The following SLC39A11 variants were observed in gnomAD, a reference collection of about 807,000 sequenced individuals.
The protein encoded by SLC39A11 is zinc transporter ZIP11.
Under a neutral mutation model 36.1 loss-of-function variants are expected in SLC39A11, and 33 were observed. That is an observed-to-expected ratio of 0.91 (90% CI 0.69 to 1.22). The LOEUF (loss-of-function observed/expected upper bound fraction) is 1.22, where lower values mean the gene tolerates loss of function less well. Among genes scored for constraint, SLC39A11 ranks in the 50% most tolerant of loss-of-function variants. The pLI is 0.00. For synonymous variants in SLC39A11, 166 were observed against 170.3 expected (o/e 0.97, Z 0.20); for missense variants, 432 against 430.3 (o/e 1.00, Z -0.03).
At chr17:72,931,487 T>C (rs574262190) in intron 5 of SLC39A11, among the ~76,000 whole-genome samples, 62 of 152,106 alleles carry the variant, frequency 4.1e-4, no homozygotes, top group Non-Finnish European at 6.9e-4. Context: ...ATCTCCAAGA[T>C]CTCAGCCCAG....
chr17:72,714,781 T>C (rs1261547818), intron 7 of SLC39A11, among the ~76,000 whole-genome samples: 2 of 152,230 alleles, frequency 1.3e-5, no homozygotes, highest in Non-Finnish European at 2.9e-5. Context: ...TGACATGGTC[T>C]GCAGCTGTTC....
At chr17:72,679,398 A>G (rs2071410510) in intron 7 of SLC39A11, among the ~76,000 whole-genome samples, 1 of 152,216 alleles carries the variant, frequency 6.6e-6, no homozygotes, top group Non-Finnish European at 1.5e-5. Context: ...TTACCTATCA[A>G]TTAAAAATAA....
At chr17:73,009,675 T>C (rs2148487790) in intron 4 of SLC39A11, among the ~76,000 whole-genome samples, 1 of 152,326 alleles carries the variant, frequency 6.6e-6, no homozygotes, top group South Asian at 2.1e-4. Flanking sequence ...AGGTACTAAA[T>C]GTCACTGAAG....
In SLC39A11 at chr17:72,952,688, T is replaced by G. The variant is rs535762920; in HGVS notation, c.307-4813A>C. 4.3e-4 allele frequency among the ~76,000 whole-genome samples: 65 copies of G among 152,298 alleles called. 1 individual carries two copies. The highest frequency in any genetic ancestry group is 1.1e-3 in the Admixed American group (17 of 15,300). On this transcript the variant is annotated intron_variant, in intron 4 of 9. Coordinates refer to ENST00000255559, the MANE Select transcript of SLC39A11 (RefSeq NM_139177.4). ...TCTGGTTTGGTTTGGTTTGATTTGGTTTTCATCTCTGCAATGCCTTTCTAT... is the reference window on the plus strand; with the variant it reads ...TCTGGTTTGGTTTGGTTTGATTTGGGTTTCATCTCTGCAATGCCTTTCTAT...
At chr17:72,712,343 C>T (rs754158720) in intron 7 of SLC39A11, among the ~76,000 whole-genome samples, 7 of 152,178 alleles carry the variant, frequency 4.6e-5, no homozygotes, top group Non-Finnish European at 7.3e-5. Flanking sequence ...TGCTGGGCAG[C>T]GTAAGGTATT....
At chr17:72,974,851 G>T (rs1305515753) in intron 4 of SLC39A11, among the ~76,000 whole-genome samples, 2 of 152,116 alleles carry the variant, frequency 1.3e-5, no homozygotes, top group Non-Finnish European at 2.9e-5. Flanking sequence ...TTTATACCAT[G>T]TTTTTACTGC....
At chr17:72,973,007 C>T (rs1468882275) in intron 4 of SLC39A11, among the ~76,000 whole-genome samples, 1 of 151,836 alleles carries the variant, frequency 6.6e-6, no homozygotes, top group Non-Finnish European at 1.5e-5. Flanking sequence ...AGCTCCTGGA[C>T]AGCGACCACA....
intron 7 of SLC39A11, among the ~76,000 whole-genome samples, chr17:72,671,572 TTAGC>T (rs971726758): frequency 5.9e-4 from 90 of 152,160 alleles, no homozygotes; most frequent in Middle Eastern, 3.4e-3. Context: ...AATACAAAAA[TTAGC>T]TAGGCATGGT....
chr17:72,859,665 A>T (rs1158895720), intron 5 of SLC39A11, among the ~76,000 whole-genome samples: 1 of 151,480 alleles, frequency 6.6e-6, no homozygotes, highest in Admixed American at 6.6e-5. Context: ...GATGTGCTAC[A>T]TGGGCCACGT....
chr17:72,934,850 T>C (rs1427380626), intron 5 of SLC39A11, among the ~76,000 whole-genome samples: 2 of 152,174 alleles, frequency 1.3e-5, no homozygotes, highest in Non-Finnish European at 2.9e-5. Context: ...CTCATTAGAA[T>C]GGCTCAAGTT....
intron 7 of SLC39A11, among the ~76,000 whole-genome samples, chr17:72,689,250 C>T (rs941414522): frequency 6.6e-6 from 1 of 152,216 alleles, no homozygotes; most frequent in Admixed American, 6.5e-5. Flanking sequence ...CACCTCCGCT[C>T]ACTCTCCCAA....
chr17:73,017,381 G>T (rs2058203429), intron 4 of SLC39A11, among the ~76,000 whole-genome samples: 1 of 152,150 alleles, frequency 6.6e-6, no homozygotes, highest in Non-Finnish European at 1.5e-5. Context: ...CCAAACTGCA[G>T]CATAAAGAAA....
At chr17:72,662,743 GAAAA>G (rs201775139) in intron 7 of SLC39A11, among the ~76,000 whole-genome samples, 1 of 87,018 alleles carries the variant, frequency 1.1e-5, no homozygotes, top group Admixed American at 1.3e-4. Context: ...AAAGAAAAAA[GAAAA>G]AAAGGAAGGA....
intron 4 of SLC39A11, 111 bp from the exon 5 acceptor site, chr17:72,947,986 C>A: frequency 2.2e-6 from 3 of 1,377,692 alleles, no homozygotes; most frequent in East Asian, 2.3e-5. Context: ...AAGACCGCCA[C>A]AGCTGAGCCA....
intron 3 of SLC39A11, among the ~76,000 whole-genome samples, chr17:73,059,612 G>A (rs138003302): frequency 4.0e-5 from 6 of 148,814 alleles, no homozygotes; most frequent in South Asian, 2.1e-4. Flanking sequence ...CCGAGATCGC[G>A]CCATTGCACT....
At position 72,727,420 on chromosome 17, in the gene SLC39A11, G is replaced by A. The variant is rs144455712; in HGVS notation, c.671+9230C>T. On this transcript the variant is annotated intron_variant, in intron 7 of 9. Coordinates refer to ENST00000255559, the MANE Select transcript of SLC39A11 (RefSeq NM_139177.4). ...TGTAATCCCAGCACTTTGGGAGGCC[G>A]AGGCGGGTGGATCACGAGGTCAGGA... is the stretch of plus-strand genomic sequence containing the variant. 7.8e-3 allele frequency among the ~76,000 whole-genome samples: 1,194 copies of A among 152,202 alleles called. 17 individuals are homozygous for A. Among genetic ancestry groups the A allele is most frequent in the African/African-American group, 0.027 (1,130 of 41,530 alleles).
chr17:72,715,123 C>A (rs1446360854), intron 7 of SLC39A11, among the ~76,000 whole-genome samples: 1 of 152,198 alleles, frequency 6.6e-6, no homozygotes, highest in African/African-American at 2.4e-5. Context: ...CTGCATACAT[C>A]TCATGCACCC....
In SLC39A11 at chr17:72,863,765, C is replaced by T. The variant is rs80288986; in HGVS notation, c.431-13961G>A. 5.3e-5 allele frequency among the ~76,000 whole-genome samples: 8 copies of T among 152,336 alleles called. No homozygotes were observed. The East Asian group carries it at 7.7e-4, about 15-fold the overall frequency. ...TGCAGCGTGCCTGCTGCCATGGCAA[C>T]GCACGAGCAACCAGGGATGGGAAAG... On this transcript the variant is annotated intron_variant, in intron 5 of 9. Coordinates refer to ENST00000255559, the MANE Select transcript of SLC39A11 (RefSeq NM_139177.4).
At chr17:73,014,565 G>A (rs2090705575) in intron 4 of SLC39A11, among the ~76,000 whole-genome samples, 1 of 150,938 alleles carries the variant, frequency 6.6e-6, no homozygotes, top group Non-Finnish European at 1.5e-5. Flanking sequence ...ACTGAGGCAA[G>A]AGGATCGCGT....
Sources: allele counts gnomAD v4.1 joint callset (sites outside exome capture counted in the v4.1 genomes callset), GRCh38; gene constraint gnomAD v4.1.1; transcripts MANE v1.5; gene names NCBI Gene and HGNC (gene_info 2026-07-23, HGNC 2026-07-21).